Variants in FOXP2 observed in about 807,000 individuals in gnomAD.
The protein encoded by FOXP2 is forkhead box P2.
Under a neutral mutation model 115.8 loss-of-function variants are expected in FOXP2, and 12 were observed. That is an observed-to-expected ratio of 0.10 (90% CI 0.07 to 0.17). The LOEUF (loss-of-function observed/expected upper bound fraction) is 0.17. FOXP2 is among the 10% of genes least tolerant of loss of function. FOXP2 has a pLI of 1.00. For synonymous variants in FOXP2, 328 were observed against 297.7 expected, an observed-to-expected ratio of 1.10 and a Z score of -1.05; for missense variants, 629 against 843.5, an observed-to-expected ratio of 0.75 and a Z score of 3.15.
intron 2 of FOXP2, among the ~76,000 whole-genome samples, chr7:114,292,870 C>T (rs554217513): frequency 3.3e-5 from 5 of 152,254 alleles, no homozygotes; most frequent in African/African-American, 1.2e-4. Flanking sequence ...TGATTTAGAA[C>T]AGTGGTCTAA....
intron 3 of FOXP2, among the ~76,000 whole-genome samples, chr7:114,621,416 G>A (rs1019961000): frequency 1.3e-5 from 2 of 151,912 alleles, no homozygotes; most frequent in Admixed American, 6.6e-5. Context: ...TAGTAGCAAC[G>A]GAATCTTAAG....
intron 1 of FOXP2, among the ~76,000 whole-genome samples, chr7:114,244,151 C>T (rs757836171): frequency 6.6e-6 from 1 of 151,888 alleles, no homozygotes; most frequent in South Asian, 2.1e-4. Context: ...TGTTTGTTTC[C>T]GGTTTACAAA....
Position 114,693,340 on chromosome 7 carries a change from G to C in FOXP2, c.*3414G>C, listed in dbSNP as rs1036408992. 1 of 453,728 alleles carries C rather than the reference G, an allele frequency of 2.2e-6. No individual in the cohort carries two copies. The highest frequency in any genetic ancestry group is 4.4e-6 in the Non-Finnish European group (1 of 226,570). 28.1% of individuals were successfully genotyped at this position (453,728 alleles called of 1,614,324 possible). A position where few individuals can be genotyped will look rare whatever the true frequency, so the allele number is the denominator to read the frequency against. On this transcript the variant is annotated 3_prime_UTR_variant, in exon 17 of 17. Coordinates refer to ENST00000350908, the MANE Select transcript of FOXP2 (RefSeq NM_014491.4). ...GTCAGCTAGGAATAGAGCTACAGAA[G>C]TACACTTACATAAACCATCCTGGAC...
chr7:114,633,442 G>C (rs1805029880), intron 6 of FOXP2, among the ~76,000 whole-genome samples: 1 of 152,086 alleles, frequency 6.6e-6, no homozygotes, highest in African/African-American at 2.4e-5. Flanking sequence ...TTAGGGAAAG[G>C]AAAGTAAATC....
chr7:114,630,825 A>C (rs1563046880), intron 5 of FOXP2, among the ~76,000 whole-genome samples: 1 of 152,142 alleles, frequency 6.6e-6, no homozygotes, highest in Non-Finnish European at 1.5e-5. Context: ...TGAGCGCATC[A>C]GAAGTTTCTC....
At chr7:114,688,486 C>T (rs1808492753) in intron 16 of FOXP2, among the ~76,000 whole-genome samples, 1 of 152,084 alleles carries the variant, frequency 6.6e-6, no homozygotes. Context: ...AGATGGCTGG[C>T]AGGTTCAGTC....
chr7:114,691,075 G>A lies in FOXP2; in HGVS notation c.*1149G>A. 2.2e-6 allele frequency: 1 copy of A among 454,086 alleles called. No homozygotes were observed. The highest frequency in any genetic ancestry group is 4.4e-6 in the Non-Finnish European group (1 of 226,772). 28.1% of individuals were successfully genotyped at this position (454,086 alleles called of 1,614,324 possible). On this transcript the variant is annotated 3_prime_UTR_variant, in exon 17 of 17. Transcript: ENST00000350908. ...TATGATATGCTAGAAAGCAACAAAT[G>A]TGGATCACTGACCAAAACGATTATG... is the stretch of plus-strand genomic sequence containing the variant.
At chr7:114,565,618 C>T (rs1463950678) in intron 3 of FOXP2, among the ~76,000 whole-genome samples, 2 of 152,134 alleles carry the variant, frequency 1.3e-5, no homozygotes, top group African/African-American at 4.8e-5. Context: ...ATGTGATACA[C>T]AGTAGCCTCA....
chr7:114,628,682 T>C lies in FOXP2; in HGVS notation c.396+5T>C. On this transcript the variant is annotated splice_donor_5th_base_variant and intron_variant, in intron 4 of 16. Transcript: ENST00000350908. ...CAGGCTGTCATGCTGCAGCAGGTAA[T>C]GTGGGTTACCTGCTTTGGTGTTCTA... 2.5e-6 allele frequency: 4 copies of C among 1,613,966 alleles called. No individual in the cohort carries two copies. Among genetic ancestry groups the C allele is most frequent in the Admixed American group, 1.7e-5 (1 of 59,990 alleles).
At chr7:114,536,927 G>C (rs1321050747) in intron 3 of FOXP2, among the ~76,000 whole-genome samples, 1 of 151,390 alleles carries the variant, frequency 6.6e-6, no homozygotes, top group Non-Finnish European at 1.5e-5. Context: ...GACTTGATAA[G>C]CTTAGCAACT....
intron 2 of FOXP2, among the ~76,000 whole-genome samples, chr7:114,505,382 T>A (rs987351820): frequency 6.6e-6 from 1 of 151,614 alleles, no homozygotes; most frequent in Non-Finnish European, 1.5e-5. Context: ...TTGAAATTAA[T>A]GAAATTGAAT....
At chr7:114,374,494 G>T (rs11762537) in intron 2 of FOXP2, among the ~76,000 whole-genome samples, 16,799 of 152,076 alleles carry the variant, frequency 0.11, 1,072 homozygotes, top group African/African-American at 0.18. Context: ...GTCAACTAGA[G>T]ACTGGAAGGA....
intron 1 of FOXP2, among the ~76,000 whole-genome samples, chr7:114,114,465 G>T (rs1453255241): frequency 6.6e-6 from 1 of 151,996 alleles, no homozygotes; most frequent in Non-Finnish European, 1.5e-5. Context: ...GAAATTAAAA[G>T]ATATACCATC....
At chr7:114,413,300 A>G (rs772342987), upstream of FOXP2, among the ~76,000 whole-genome samples, 24 of 152,182 alleles carry the variant, frequency 1.6e-4, no homozygotes, top group Non-Finnish European at 3.1e-4. Flanking sequence ...AAGCAGACTT[A>G]AAAAATATAT....
chr7:114,593,713 C>G (rs1192886916), intron 3 of FOXP2, among the ~76,000 whole-genome samples: 1 of 152,082 alleles, frequency 6.6e-6, no homozygotes, highest in South Asian at 2.1e-4. Flanking sequence ...TAACACATCT[C>G]TGTGAAACAC....
chr7:114,382,762 C>CT (rs1388862158), intron 2 of FOXP2, among the ~76,000 whole-genome samples: 1 of 152,128 alleles, frequency 6.6e-6, no homozygotes, highest in Non-Finnish European at 1.5e-5. Context: ...TAAACTTATC[C>CT]TTTAAGTTAG....
chr7:114,394,512 G>T (rs1792692457), intron 2 of FOXP2, among the ~76,000 whole-genome samples: 1 of 151,850 alleles, frequency 6.6e-6, no homozygotes, highest in Non-Finnish European at 1.5e-5. Context: ...CCAACAAAAT[G>T]TTTACTAATT....
At chr7:114,445,607 G>A (rs116992362) in intron 2 of FOXP2, among the ~76,000 whole-genome samples, 1 of 152,008 alleles carries the variant, frequency 6.6e-6, no homozygotes, top group South Asian at 2.1e-4. Context: ...CTATGTACAT[G>A]GTCTTCTAAA....
At chr7:114,370,809 C>A (rs1791985954) in intron 2 of FOXP2, among the ~76,000 whole-genome samples, 1 of 151,846 alleles carries the variant, frequency 6.6e-6, no homozygotes, top group Non-Finnish European at 1.5e-5. Flanking sequence ...GTACTTGTGA[C>A]CAGTAGTAGT....
Sources: allele counts gnomAD v4.1 joint callset (sites outside exome capture counted in the v4.1 genomes callset), GRCh38; gene constraint gnomAD v4.1.1; transcripts MANE v1.5; gene names NCBI Gene and HGNC (gene_info 2026-07-23, HGNC 2026-07-21).